The following SLC44A5 variants were observed in gnomAD, a reference collection of about 807,000 sequenced individuals.
The protein encoded by SLC44A5 is solute carrier family 44 member 5, also known as choline transporter-like protein 5.
SLC44A5 carries 57 observed loss-of-function variants against 101.8 expected under a neutral mutation model. The ratio of observed to expected loss-of-function variants is 0.56; its 90% CI spans 0.45 to 0.70. SLC44A5 has a LOEUF of 0.70. SLC44A5 is among the 30% of genes least tolerant of loss of function. The pLI is 0.00. For missense variants in SLC44A5, 737 were observed against 853.1 expected, an observed-to-expected ratio of 0.86 and a Z score of 1.70; for synonymous variants, 281 against 290.9, an observed-to-expected ratio of 0.97 and a Z score of 0.35.
chr1:75,385,695 C>T (rs1661278147), intron 3 of SLC44A5, among the ~76,000 whole-genome samples: 1 of 152,178 alleles, frequency 6.6e-6, no homozygotes, highest in Non-Finnish European at 1.5e-5. Flanking sequence ...GGACTCCTCC[C>T]TAACTCATTT....
intron 2 of SLC44A5, among the ~76,000 whole-genome samples, chr1:75,452,753 C>T (rs528876523): frequency 2.0e-5 from 3 of 151,998 alleles, no homozygotes; most frequent in East Asian, 3.9e-4. Context: ...CACTTACATC[C>T]GATAAAACAG....
chr1:75,469,611 T>C (rs962516539), intron 2 of SLC44A5, among the ~76,000 whole-genome samples: 1 of 152,182 alleles, frequency 6.6e-6, no homozygotes, highest in Non-Finnish European at 1.5e-5. Flanking sequence ...TAAGGTGTCC[T>C]GGCTTTGAGA....
chr1:75,376,114 C>T (rs915937579), intron 3 of SLC44A5, among the ~76,000 whole-genome samples: 1 of 152,256 alleles, frequency 6.6e-6, no homozygotes, highest in East Asian at 1.9e-4. Context: ...CACCCAAATA[C>T]TGCGCTTTTC....
At position 75,374,368 on chromosome 1, in the gene SLC44A5, A is replaced by T. The variant is rs571507056; in HGVS notation, c.52+22215T>A. Among the ~76,000 whole-genome samples the T allele has an allele frequency of 2.0e-5, 3 of 152,332 alleles. No individual in the cohort carries two copies. The South Asian group carries it at 6.2e-4, about 32-fold the overall frequency. On this transcript the variant is annotated intron_variant, in intron 3 of 23. Coordinates refer to ENST00000370859, the MANE Select transcript of SLC44A5 (RefSeq NM_001130058.2). ...TGGACTCTGCCAGGCTTAGAGGACC[A>T]GTAGGTCTCCAGGGAATTGTGGGTC...
At position 75,481,149 on chromosome 1, in the gene SLC44A5, G is replaced by T. The variant is rs182835746; in HGVS notation, c.13+60286C>A. Among the ~76,000 whole-genome samples, 3 of 152,292 alleles carry T rather than the reference G, an allele frequency of 2.0e-5. No homozygotes were observed. In the East Asian group the frequency reaches 5.8e-4, roughly 29 times the overall value. On this transcript the variant is annotated intron_variant, in intron 2 of 23. Transcript: ENST00000370859. ...GGCAAACCTGAGAAAAACAAGCAATGGGGAAAGGATTCCCTGTTTAATAAA... is the reference window on the plus strand; with the variant it reads ...GGCAAACCTGAGAAAAACAAGCAATTGGGAAAGGATTCCCTGTTTAATAAA...
chr1:75,410,100 T>C (rs538534858), intron 2 of SLC44A5, among the ~76,000 whole-genome samples: 12 of 152,260 alleles, frequency 7.9e-5, no homozygotes, highest in Non-Finnish European at 1.8e-4. Flanking sequence ...TTTAATACTA[T>C]AGTGTGAATT....
intron 1 of SLC44A5, among the ~76,000 whole-genome samples, chr1:75,588,675 T>C (rs1674165306): frequency 6.6e-6 from 1 of 152,130 alleles, no homozygotes; most frequent in African/African-American, 2.4e-5. Context: ...GAAAACTGAA[T>C]TGAGATATGG....
chr1:75,335,888 C>G (rs549296803), intron 4 of SLC44A5, among the ~76,000 whole-genome samples: 2 of 152,292 alleles, frequency 1.3e-5, no homozygotes, highest in South Asian at 4.1e-4. Flanking sequence ...TCAGAGTGCC[C>G]GTCCTTCCCT....
At chr1:75,720,875 G>C in the SLC44A5 span, among the ~76,000 whole-genome samples, 4 of 152,022 alleles carry the variant, frequency 2.6e-5, no homozygotes, top group African/African-American at 9.7e-5. Context: ...GGGTAGGCGG[G>C]GGGAGGTTCC....
At chr1:75,348,255 G>A (rs1248321966) in intron 3 of SLC44A5, among the ~76,000 whole-genome samples, 1 of 151,824 alleles carries the variant, frequency 6.6e-6, no homozygotes, top group Non-Finnish European at 1.5e-5. Context: ...CAAAATAGTG[G>A]AAAAATATCA....
At chr1:75,699,603 A>G in the SLC44A5 span, among the ~76,000 whole-genome samples, 1 of 151,932 alleles carries the variant, frequency 6.6e-6, no homozygotes, top group Non-Finnish European at 1.5e-5. Context: ...ATTAACGAAA[A>G]AAAAAAAAAA....
At chr1:75,359,890 T>C (rs1659364631) in intron 3 of SLC44A5, among the ~76,000 whole-genome samples, 1 of 152,192 alleles carries the variant, frequency 6.6e-6, no homozygotes, top group Non-Finnish European at 1.5e-5. Context: ...CTCACTGTGA[T>C]TTTAATTTTG....
At chr1:75,431,909 G>C (rs1021167125) in intron 2 of SLC44A5, among the ~76,000 whole-genome samples, 1 of 152,086 alleles carries the variant, frequency 6.6e-6, no homozygotes, top group South Asian at 2.1e-4. Context: ...TCATTCCTTT[G>C]CCAAGGGAGG....
At chr1:75,263,975 TG>T (rs1389764538) in intron 6 of SLC44A5, among the ~76,000 whole-genome samples, 1 of 151,806 alleles carries the variant, frequency 6.6e-6, no homozygotes, top group Non-Finnish European at 1.5e-5. Flanking sequence ...CACTGGGGCC[TG>T]TTGGGGGGTT....
At chr1:75,344,887 T>G (rs1658134493) in intron 3 of SLC44A5, among the ~76,000 whole-genome samples, 1 of 152,134 alleles carries the variant, frequency 6.6e-6, no homozygotes, top group South Asian at 2.1e-4. Context: ...ACATGGCTAT[T>G]TATCCTACTG....
chr1:75,546,804 T>C (rs987834330), intron 1 of SLC44A5, among the ~76,000 whole-genome samples: 1 of 152,122 alleles, frequency 6.6e-6, no homozygotes, highest in Non-Finnish European at 1.5e-5. Flanking sequence ...CTTCAGAAGG[T>C]TCATGGAAAG....
chr1:75,334,104 G>C (rs1352833656), intron 4 of SLC44A5, among the ~76,000 whole-genome samples: 1 of 152,072 alleles, frequency 6.6e-6, no homozygotes, highest in African/African-American at 2.4e-5. Context: ...CATATCATTT[G>C]ATTGTATTTA....
intron 2 of SLC44A5, among the ~76,000 whole-genome samples, chr1:75,503,343 A>G (rs1357927849): frequency 1.3e-5 from 2 of 152,118 alleles, no homozygotes; most frequent in Non-Finnish European, 2.9e-5. Flanking sequence ...TGACTGGATC[A>G]TGGGGTCAGA....
intron 2 of SLC44A5, among the ~76,000 whole-genome samples, chr1:75,511,827 A>C (rs1669585273): frequency 6.6e-6 from 1 of 152,160 alleles, no homozygotes; most frequent in Non-Finnish European, 1.5e-5. Flanking sequence ...CAAATGATTT[A>C]TTTCTTTCTC....
Sources: gnomAD v4.1 joint callset for allele counts (sites outside exome capture counted in the v4.1 genomes callset) on GRCh38, gnomAD v4.1.1 for gene constraint, MANE v1.5 for transcripts, NCBI Gene and HGNC (gene_info 2026-07-23, HGNC 2026-07-21) for gene names.